Variants in RFX3 observed in about 807,000 individuals in gnomAD.
RFX3 encodes transcription factor RFX3.
In RFX3, 14 loss-of-function variants were observed where a neutral mutation model predicts 98.6. The observed-to-expected ratio is 0.14, with a 90% CI of 0.09 to 0.22. The LOEUF is 0.22. Ranked by LOEUF, RFX3 falls within the 10% of genes least tolerant of loss-of-function variation. The pLI is 1.00. For missense variants in RFX3, 639 were observed against 926.9 expected, an observed-to-expected ratio of 0.69 and a Z score of 4.03; for synonymous variants, 383 against 328.4, an observed-to-expected ratio of 1.17 and a Z score of -1.80.
At chr9:3,388,641 T>C (rs1235432499) in intron 2 of RFX3, among the ~76,000 whole-genome samples, 1 of 152,112 alleles carries the variant, frequency 6.6e-6, no homozygotes, top group African/African-American at 2.4e-5. Flanking sequence ...AAGGAGCTTT[T>C]ATGGCATACA....
intron 6 of RFX3, among the ~76,000 whole-genome samples, chr9:3,292,061 C>CAAAAAAAAAAAAAAAAAAAAAAA (rs58788880): frequency 1.3e-4 from 3 of 23,946 alleles, no homozygotes; most frequent in African/African-American, 2.8e-4. Context: ...GACTCCATCT[C>CAAAAAAAAAAAAAAAAAAAAAAA]AAAAAAAAAA....
chr9:3,254,390 G>A (rs1369910090), intron 14 of RFX3, among the ~76,000 whole-genome samples: 1 of 152,056 alleles, frequency 6.6e-6, no homozygotes, highest in African/African-American at 2.4e-5. Context: ...GATGGACTCT[G>A]CCTTTGGTCA....
At chr9:3,474,337 T>C (rs1394921586) in intron 1 of RFX3, among the ~76,000 whole-genome samples, 1 of 152,194 alleles carries the variant, frequency 6.6e-6, no homozygotes, top group African/African-American at 2.4e-5. Context: ...ACCTACTGTT[T>C]TAACTTTTTC....
intron 8 of RFX3, among the ~76,000 whole-genome samples, chr9:3,276,942 T>C (rs1248243712): frequency 6.6e-6 from 1 of 152,046 alleles, no homozygotes; most frequent in Non-Finnish European, 1.5e-5. Context: ...TTAAAAAAGT[T>C]TATAAAAATT....
intron 1 of RFX3, chr9:3,420,837 G>A: frequency 1.0e-6 from 1 of 985,076 alleles, no homozygotes; most frequent in Non-Finnish European, 1.2e-6. Flanking sequence ...ATGTCAGAAA[G>A]CATTCTGTCC....
chr9:3,399,866 T>C (rs1478659190), intron 1 of RFX3, among the ~76,000 whole-genome samples: 1 of 151,748 alleles, frequency 6.6e-6, no homozygotes. Flanking sequence ...GGAGAGTCAC[T>C]TGAACCTGGG....
intron 1 of RFX3, chr9:3,400,252 A>C (rs1841339337): frequency 1.0e-6 from 1 of 973,898 alleles, no homozygotes; most frequent in South Asian, 4.8e-5. Flanking sequence ...AGACAGGAAG[A>C]AAAGAAAAAG....
intron 15 of RFX3, among the ~76,000 whole-genome samples, chr9:3,243,330 C>CA (rs34599472): frequency 0.2 from 29,332 of 146,486 alleles, 3,596 homozygotes; most frequent in African/African-American, 0.36. Flanking sequence ...ATCATTTAGG[C>CA]AAAAAAAAAA....
At chr9:3,450,002 T>C (rs987720553) in intron 1 of RFX3, among the ~76,000 whole-genome samples, 5 of 152,238 alleles carry the variant, frequency 3.3e-5, no homozygotes, top group African/African-American at 1.2e-4. Context: ...TTGGTTTTTA[T>C]AGTTTATGCA....
Position 3,385,629 on chromosome 9 carries a change from A to C in RFX3, c.117+9843T>G, listed in dbSNP as rs376802129. 7.0e-4 allele frequency among the ~76,000 whole-genome samples: 106 copies of C among 151,074 alleles called. 1 individual carries two copies. The South Asian group carries it at 0.022, about 31-fold the overall frequency. On this transcript the variant is annotated intron_variant, in intron 2 of 16. Coordinates refer to ENST00000617270, the MANE Select transcript of RFX3 (RefSeq NM_001282116.2). ...AGGCTGAGGCAGGAGAATCACTTGA[A>C]CCCAGGAGGCAGAGGTTGCAGTGAG...
chr9:3,388,117 G>T (rs897243902), intron 2 of RFX3, among the ~76,000 whole-genome samples: 9 of 152,032 alleles, frequency 5.9e-5, no homozygotes, highest in Non-Finnish European at 1.3e-4. Context: ...GTTTCTTACT[G>T]GTTGTAACGA....
At chr9:3,476,926 ACTTT>A (rs1329823819) in intron 1 of RFX3, among the ~76,000 whole-genome samples, 1 of 152,144 alleles carries the variant, frequency 6.6e-6, no homozygotes, top group Non-Finnish European at 1.5e-5. Context: ...TGGGCAAGTC[ACTTT>A]CTTTCTTAAT....
chr9:3,399,877 A>T (rs992109093), intron 1 of RFX3, among the ~76,000 whole-genome samples: 2 of 151,616 alleles, frequency 1.3e-5, no homozygotes, highest in Non-Finnish European at 2.9e-5. Flanking sequence ...TGAACCTGGG[A>T]GGCAGAGGTT....
rs969965525 is a variant in RFX3, at chr9:3,251,351, AT to A, written c.1815-3167del. On this transcript the variant is annotated intron_variant, in intron 14 of 16. Coordinates refer to ENST00000617270, the MANE Select transcript of RFX3 (RefSeq NM_001282116.2). ...AGATTATCTTTTTAAAAAATTAATT[AT>A]TTTTTTTTTTTAGAGACAGGGGTCT... Among the ~76,000 whole-genome samples the A allele has an allele frequency of 3.4e-3, 508 of 147,644 alleles. 3 individuals are homozygous for A. The highest frequency in any genetic ancestry group is 0.011 in the African/African-American group (452 of 40,382).
intron 1 of RFX3, among the ~76,000 whole-genome samples, chr9:3,509,451 AT>A (rs1264779693): frequency 6.6e-6 from 1 of 152,030 alleles, no homozygotes; most frequent in Non-Finnish European, 1.5e-5. Flanking sequence ...ACACTAATAC[AT>A]TGATTATGAC....
At chr9:3,279,661 G>A (rs1825683491) in intron 7 of RFX3, among the ~76,000 whole-genome samples, 1 of 151,830 alleles carries the variant, frequency 6.6e-6, no homozygotes, top group African/African-American at 2.4e-5. Context: ...AAAGACAGAT[G>A]TTACATCACA....
chr9:3,469,583 C>T (rs1317635563), intron 1 of RFX3, among the ~76,000 whole-genome samples: 2 of 151,960 alleles, frequency 1.3e-5, no homozygotes, highest in Admixed American at 6.6e-5. Context: ...ATATTATTTT[C>T]CTATTATTTT....
chr9:3,271,023 G>T lies in RFX3; in HGVS notation c.1182C>A (p.Gly394=). Residue 394 remains glycine (G), a synonymous_variant, in exon 10 of 17, where the codon GGC becomes GGA. Transcript: ENST00000617270. ...CTGACCTCGATTCGGTAATGGTAGT[G>T]CCATCAGTTGGAGTAGAGGGAGAAT... ...WRYSPSTPTD[G]TTITESSNLS... is the part of the protein sequence containing the mutation. The T allele has an allele frequency of 4.3e-6, 7 of 1,613,418 alleles. No individual in the cohort carries two copies. The highest frequency in any genetic ancestry group is 5.9e-6 in the Non-Finnish European group (7 of 1,179,432).
At chr9:3,273,098 T>C (rs1459870966) in intron 9 of RFX3, among the ~76,000 whole-genome samples, 1 of 152,188 alleles carries the variant, frequency 6.6e-6, no homozygotes, top group Admixed American at 6.6e-5. Flanking sequence ...CTTTCAAATA[T>C]GTTCAGACTA....
Sources: gnomAD v4.1 joint callset for allele counts (sites outside exome capture counted in the v4.1 genomes callset) on GRCh38, gnomAD v4.1.1 for gene constraint, MANE v1.5 for transcripts, NCBI Gene and HGNC (gene_info 2026-07-23, HGNC 2026-07-21) for gene names.